The following NFXL1 variants were observed in gnomAD, a reference collection of about 807,000 sequenced individuals.
The protein encoded by NFXL1 is NF-X1-type zinc finger protein NFXL1.
Under a neutral mutation model 123.3 loss-of-function variants are expected in NFXL1, and 66 were observed. That is an observed-to-expected ratio of 0.54 (90% CI 0.44 to 0.66). The LOEUF (loss-of-function observed/expected upper bound fraction) is 0.66, where lower values mean the gene tolerates loss of function less well. Ranked by LOEUF, NFXL1 falls within the 30% of genes least tolerant of loss-of-function variation. The pLI, the probability that NFXL1 is intolerant of heterozygous loss-of-function variation, is 0.00. For missense variants in NFXL1, 944 were observed against 1,125.6 expected (o/e 0.84, Z 2.31); for synonymous variants, 346 against 360.8 (o/e 0.96, Z 0.46).
chr4:47,868,966 A>G (rs1735268364), intron 18 of NFXL1, among the ~76,000 whole-genome samples: 1 of 152,214 alleles, frequency 6.6e-6, no homozygotes, highest in Non-Finnish European at 1.5e-5. Flanking sequence ...CATGCCTGTA[A>G]TCTCAACATT....
intron 3 of NFXL1, among the ~76,000 whole-genome samples, chr4:47,906,450 C>CA (rs1737566893): frequency 6.6e-6 from 1 of 152,086 alleles, no homozygotes; most frequent in Non-Finnish European, 1.5e-5. Flanking sequence ...ACGGCACTTA[C>CA]AAAAGCTTGC....
chr4:47,911,083 T>A, intron 2 of NFXL1, 89 bp from the exon 3 acceptor site: 1 of 708,258 alleles, frequency 1.4e-6, no homozygotes, highest in Non-Finnish European at 2.2e-6. Flanking sequence ...ACAACACACA[T>A]TTGAAAGTCA....
intron 3 of NFXL1, among the ~76,000 whole-genome samples, chr4:47,908,718 G>A (rs1296714277): frequency 6.6e-6 from 1 of 152,018 alleles, no homozygotes; most frequent in Non-Finnish European, 1.5e-5. Flanking sequence ...CACTTTGGGA[G>A]GCCGAGGCGG....
At chr4:47,869,835 A>G (rs1400293702) in intron 18 of NFXL1, among the ~76,000 whole-genome samples, 1 of 152,098 alleles carries the variant, frequency 6.6e-6, no homozygotes, top group Non-Finnish European at 1.5e-5. Flanking sequence ...CTCAAGAAAG[A>G]AGGAGAAAGC....
chr4:47,862,808 C>A, intron 19 of NFXL1, 38 bp downstream of exon 19: 1 of 1,113,476 alleles, frequency 9.0e-7, no homozygotes, highest in East Asian at 2.4e-5. Flanking sequence ...GAAACAATGC[C>A]CAAGGAATAC....
At chr4:47,886,376 T>C (rs996169583) in intron 12 of NFXL1, among the ~76,000 whole-genome samples, 8 of 145,340 alleles carry the variant, frequency 5.5e-5, no homozygotes, top group African/African-American at 2.0e-4. Context: ...TACTTTTCTC[T>C]TTTTTTTTTT....
chr4:47,879,322 CATA>C (rs1398041579), intron 15 of NFXL1, among the ~76,000 whole-genome samples: 4 of 151,990 alleles, frequency 2.6e-5, no homozygotes, highest in African/African-American at 9.7e-5. Flanking sequence ...AAGTTAAAAA[CATA>C]ACACTACATT....
At chr4:47,899,956 A>G (rs979563206) in intron 5 of NFXL1, among the ~76,000 whole-genome samples, 1 of 152,240 alleles carries the variant, frequency 6.6e-6, no homozygotes, top group Non-Finnish European at 1.5e-5. Context: ...AGAAAGTAAC[A>G]TTAGTTTTCT....
At chr4:47,889,351 T>C (rs760479302) in intron 12 of NFXL1, among the ~76,000 whole-genome samples, 1 of 152,200 alleles carries the variant, frequency 6.6e-6, no homozygotes, top group Admixed American at 6.5e-5. Context: ...TAAACTTCAC[T>C]GACAAATCAA....
Position 47,848,297 on chromosome 4 carries a change from G to A in NFXL1, c.2602C>T (p.Arg868Trp), listed in dbSNP as rs373186384. The change falls in exon 23 of 23, where the codon CGG becomes TGG. Residue 868 changes from arginine (R) to tryptophan (W), a missense_variant. Physicochemically the swap from Arg to Trp is moderately radical, Grantham distance 101. Transcript: ENST00000507489. ...TCATCTCTTTTCCTGTTCTTCTTCCGACGACCCTTCAGTCTGTTTTCAAAA... is the reference window on the plus strand; with the variant it reads ...TCATCTCTTTTCCTGTTCTTCTTCCAACGACCCTTCAGTCTGTTTTCAAAA... ...EAFENRLKGR[R>W]KKNRKRDEVA... 32 of 1,611,838 alleles carry A rather than the reference G, an allele frequency of 2.0e-5. No homozygotes were observed. Among genetic ancestry groups the A allele is most frequent in the South Asian group, 3.3e-5 (3 of 90,818 alleles).
At chr4:47,899,626 G>T in intron 5 of NFXL1, 78 bp from the exon 6 acceptor site, 1 of 835,744 alleles carries the variant, frequency 1.2e-6, no homozygotes, top group Non-Finnish European at 1.9e-6. Context: ...ACTTAACAGA[G>T]TATATTCTGT....
intron 9 of NFXL1, among the ~76,000 whole-genome samples, chr4:47,897,372 C>G (rs1315288310): frequency 2.6e-5 from 4 of 152,120 alleles, no homozygotes; most frequent in Non-Finnish European, 5.9e-5. Context: ...CATATTGTGA[C>G]AAGTATTAGA....
chr4:47,899,245 A>G (rs1391524353), intron 6 of NFXL1, 125 bp from the exon 7 acceptor site: 6 of 1,273,984 alleles, frequency 4.7e-6, no homozygotes, highest in East Asian at 2.5e-5. Flanking sequence ...ACAAAAGGCA[A>G]TAACTTTCAA....
intron 2 of NFXL1, among the ~76,000 whole-genome samples, chr4:47,913,050 T>A (rs1737922856): frequency 6.8e-6 from 1 of 147,318 alleles, no homozygotes; most frequent in Non-Finnish European, 1.5e-5. Context: ...CCAAACCTGT[T>A]CACACGTCTC....
At chr4:47,911,924 C>T (rs1483113018) in intron 2 of NFXL1, among the ~76,000 whole-genome samples, 14 of 152,160 alleles carry the variant, frequency 9.2e-5, no homozygotes, top group Admixed American at 9.2e-4. Context: ...TTCATGAATT[C>T]CCATCTTGAG....
rs370458164 is a variant in NFXL1 at position 47,847,410 on chromosome 4, C to T, written c.*753G>A. ...TATTTAAGATTGTGGTAAGGAGAAA[C>T]GAGATTAAGGTACATAGACCTCATA... On this transcript the variant is annotated 3_prime_UTR_variant, in exon 23 of 23. Transcript: ENST00000507489. The T allele has an allele frequency of 2.0e-5, 3 of 152,228 alleles. No homozygotes were observed. Among genetic ancestry groups the T allele is most frequent in the East Asian group, 3.9e-4 (2 of 5,182 alleles). 9.4% of individuals were successfully genotyped at this position (152,228 alleles called of 1,614,324 possible). A position where few individuals can be genotyped will look rare whatever the true frequency, so the allele number is the denominator to read the frequency against.
At position 47,914,536 on chromosome 4, in the gene NFXL1, A is replaced by G. The variant is rs1028662025; in HGVS notation, c.-174T>C. ...CTCTGCGGGAGCGTGGTAGGGGAAG[A>G]GTCACAGACTGACCCTGCGTCTCCC... On this transcript the variant is annotated 5_prime_UTR_variant, in exon 1 of 23. Transcript: ENST00000507489. The G allele has an allele frequency of 2.2e-5, 6 of 272,314 alleles. No homozygotes were observed. The highest frequency in any genetic ancestry group is 4.2e-5 in the Non-Finnish European group (6 of 144,262). The allele number at this position is 272,314 out of a possible 1,614,324, so 16.9% of individuals were successfully genotyped here.
At chr4:47,906,683 T>G (rs1309545628) in intron 3 of NFXL1, among the ~76,000 whole-genome samples, 1 of 152,184 alleles carries the variant, frequency 6.6e-6, no homozygotes, top group Non-Finnish European at 1.5e-5. Context: ...TTTCATCTAA[T>G]TTAACAGCTA....
intron 22 of NFXL1, among the ~76,000 whole-genome samples, chr4:47,850,412 T>A (rs1734055888): frequency 6.6e-6 from 1 of 152,098 alleles, no homozygotes; most frequent in Admixed American, 6.6e-5. Context: ...ATAAAGGCAG[T>A]AGCTTAGCAC....
Sources: allele counts gnomAD v4.1 joint callset (sites outside exome capture counted in the v4.1 genomes callset), GRCh38; gene constraint gnomAD v4.1.1; transcripts MANE v1.5; gene names NCBI Gene and HGNC (gene_info 2026-07-23, HGNC 2026-07-21).